The following GPBP1 variants were observed in gnomAD, a reference collection of about 807,000 sequenced individuals.
GPBP1 encodes GC-rich promoter binding protein 1.
In GPBP1, 13 loss-of-function variants were observed where a neutral mutation model predicts 56.5. The ratio of observed to expected loss-of-function variants is 0.23; its 90% CI spans 0.15 to 0.37. The LOEUF is 0.37. Among genes scored for constraint, GPBP1 ranks in the 10% least tolerant of loss-of-function variants. The pLI is 1.00. For synonymous variants in GPBP1, 204 were observed against 188.9 expected, an observed-to-expected ratio of 1.08 and a Z score of -0.66; for missense variants, 477 against 572.3, an observed-to-expected ratio of 0.83 and a Z score of 1.70.
At chr5:57,202,088 G>A (rs1050107255) in intron 2 of GPBP1, among the ~76,000 whole-genome samples, 2 of 152,278 alleles carry the variant, frequency 1.3e-5, no homozygotes, top group East Asian at 3.9e-4. Flanking sequence ...TGACTTCCCA[G>A]GTTCAGGTGA....
chr5:57,193,625 A>C (rs1398762363), intron 2 of GPBP1, among the ~76,000 whole-genome samples: 1 of 151,368 alleles, frequency 6.6e-6, no homozygotes, highest in Non-Finnish European at 1.5e-5. Context: ...AAAAAAAAAA[A>C]AAAAAAAAAA....
chr5:57,191,064 T>C (rs1392009828), intron 2 of GPBP1, among the ~76,000 whole-genome samples: 1 of 151,530 alleles, frequency 6.6e-6, no homozygotes, highest in Non-Finnish European at 1.5e-5. Context: ...GTGTGAGCCA[T>C]TGTGCCTGGC....
chr5:57,204,831 G>A lies in GPBP1; in HGVS notation c.-57-9243G>A, dbSNP rs189680854. 1.5e-4 allele frequency among the ~76,000 whole-genome samples: 23 copies of A among 152,020 alleles called. No individual in the cohort carries two copies. The East Asian group carries it at 4.1e-3, about 27-fold the overall frequency. On this transcript the variant is annotated intron_variant, in intron 2 of 11. Coordinates refer to ENST00000506184, the MANE Select transcript of GPBP1 (RefSeq NM_022913.4). ...TGCAATTAATTTTTTGGGGGAATGA[G>A]GTACTTAGAAATTATAGAATAACCT...
At chr5:57,174,412 T>C (rs1405768923) in intron 1 of GPBP1, among the ~76,000 whole-genome samples, 1 of 138,078 alleles carries the variant, frequency 7.2e-6, no homozygotes, top group Non-Finnish European at 1.5e-5. Context: ...TCGGCCCGGG[T>C]GGAGCGGAGG....
intron 5 of GPBP1, among the ~76,000 whole-genome samples, chr5:57,231,817 A>C (rs1756473404): frequency 6.6e-6 from 1 of 152,182 alleles, no homozygotes. Flanking sequence ...AGATAGGCAA[A>C]GCCCTTACTC....
chr5:57,197,316 A>G lies in GPBP1; in HGVS notation c.-57-16758A>G, dbSNP rs546902484. On this transcript the variant is annotated intron_variant, in intron 2 of 11. Transcript: ENST00000506184. ...ATGCTCAGAGCAGGAACTCTCCTCA[A>G]GCAGTCCCTAGGCTTCCCAAAATTG... Among the ~76,000 whole-genome samples, 118 of 151,742 alleles carry G rather than the reference A, an allele frequency of 7.8e-4. 3 individuals carry two copies. In the South Asian group the frequency reaches 0.02, roughly 26 times the overall value.
At chr5:57,229,324 G>A (rs1384025631) in intron 3 of GPBP1, among the ~76,000 whole-genome samples, 19 of 149,770 alleles carry the variant, frequency 1.3e-4, no homozygotes, top group African/African-American at 4.2e-4. Flanking sequence ...ATGGGCAAGA[G>A]GTGCCAGCTT....
chr5:57,214,654 T>G (rs1247064337), intron 3 of GPBP1, among the ~76,000 whole-genome samples: 1 of 152,098 alleles, frequency 6.6e-6, no homozygotes, highest in African/African-American at 2.4e-5. Context: ...ATTTGTTGGC[T>G]CTATTAAAAT....
At chr5:57,182,463 C>G (rs929412598) in intron 2 of GPBP1, among the ~76,000 whole-genome samples, 1 of 152,018 alleles carries the variant, frequency 6.6e-6, no homozygotes, top group Non-Finnish European at 1.5e-5. Context: ...ACCTCCAACT[C>G]CCGGGTTCAA....
intron 3 of GPBP1, among the ~76,000 whole-genome samples, chr5:57,226,787 T>C (rs1394681367): frequency 7.2e-6 from 1 of 139,518 alleles, no homozygotes; most frequent in Non-Finnish European, 1.5e-5. Flanking sequence ...TTGCCCAGGC[T>C]AGAGTGCAGT....
intron 2 of GPBP1, among the ~76,000 whole-genome samples, chr5:57,178,840 A>G (rs1231370000): frequency 6.6e-6 from 1 of 152,118 alleles, no homozygotes; most frequent in Non-Finnish European, 1.5e-5. Flanking sequence ...TTTTCCTTTT[A>G]TCTTTTCTAC....
intron 2 of GPBP1, among the ~76,000 whole-genome samples, chr5:57,205,147 T>C (rs1166809568): frequency 6.6e-6 from 1 of 152,186 alleles, no homozygotes; most frequent in Non-Finnish European, 1.5e-5. Context: ...CCAGTTTGCT[T>C]TTTTTCTCTA....
At chr5:57,205,055 C>T (rs539306545) in intron 2 of GPBP1, among the ~76,000 whole-genome samples, 1 of 152,266 alleles carries the variant, frequency 6.6e-6, no homozygotes, top group African/African-American at 2.4e-5. Context: ...CTATCAAGTT[C>T]CAGAATGTTT....
At chr5:57,230,461 C>G (rs1213188220) in intron 3 of GPBP1, among the ~76,000 whole-genome samples, 1 of 152,138 alleles carries the variant, frequency 6.6e-6, no homozygotes, top group African/African-American at 2.4e-5. Context: ...ACTGAAGATT[C>G]ATTTGACAAT....
At chr5:57,215,622 G>C (rs958638909) in intron 3 of GPBP1, among the ~76,000 whole-genome samples, 4 of 152,186 alleles carry the variant, frequency 2.6e-5, no homozygotes, top group African/African-American at 9.7e-5. Context: ...TTCAGAACTA[G>C]CTGGCCTGTG....
intron 2 of GPBP1, among the ~76,000 whole-genome samples, chr5:57,197,761 A>T (rs1217476410): frequency 6.7e-6 from 1 of 148,586 alleles, no homozygotes; most frequent in African/African-American, 2.5e-5. Context: ...TGAAAAATTC[A>T]TTTATCTTGC....
At chr5:57,190,771 A>G (rs1754488106) in intron 2 of GPBP1, among the ~76,000 whole-genome samples, 1 of 122,902 alleles carries the variant, frequency 8.1e-6, no homozygotes. Flanking sequence ...GTGCTCCATT[A>G]TCACAGCTCA....
In GPBP1 at chr5:57,231,249, C is replaced by G. The variant is rs1316222412; in HGVS notation, c.339C>G (p.Asn113Lys). ...GAAAAAGCCAAGGACTACATGAAAACAACATACCTGACAATGAAACCGGGA... is the reference window on the plus strand; with the variant it reads ...GAAAAAGCCAAGGACTACATGAAAAGAACATACCTGACAATGAAACCGGGA... ...HAGKSQGLHENNIPDNETGRK... is the reference protein window; with the variant it reads ...HAGKSQGLHEKNIPDNETGRK... Residue 113 changes from asparagine (N) to lysine (K), a missense_variant, in exon 5 of 12, where the codon AAC becomes AAG. Asn to Lys is a moderately conservative substitution (Grantham distance 94, BLOSUM62 0). Around this residue, in one of 2 missense-constraint regions of GPBP1, gnomAD observed 414 missense variants for 458.2 expected, o/e 0.90. Transcript: ENST00000506184. 1 of 1,614,064 alleles carries G rather than the reference C, an allele frequency of 6.2e-7. No individual in the cohort carries two copies. The highest frequency in any genetic ancestry group is 2.2e-5 in the East Asian group (1 of 44,884).
At chr5:57,218,951 CTGAAT>C (rs1230140000) in intron 3 of GPBP1, among the ~76,000 whole-genome samples, 1 of 152,160 alleles carries the variant, frequency 6.6e-6, no homozygotes, top group Non-Finnish European at 1.5e-5. Context: ...GGAAGGTTAA[CTGAAT>C]TGTTTTCACA....
Sources: allele counts gnomAD v4.1 joint callset (sites outside exome capture counted in the v4.1 genomes callset), GRCh38; gene constraint gnomAD v4.1.1; regional missense constraint gnomAD v4.1.1; transcripts MANE v1.5; gene names NCBI Gene and HGNC (gene_info 2026-07-23, HGNC 2026-07-21).